The following MORN1 variants were observed in gnomAD, a reference collection of about 807,000 sequenced individuals.
MORN1 encodes MORN repeat-containing protein 1.
MORN1 carries 67 observed loss-of-function variants against 61.9 expected under a neutral mutation model. That is an observed-to-expected ratio of 1.08 (90% CI 0.89 to 1.33). The LOEUF (loss-of-function observed/expected upper bound fraction) is 1.33. Among genes scored for constraint, MORN1 ranks in the 40% most tolerant of loss-of-function variants. The pLI is 0.00. For missense variants in MORN1, 752 were observed against 691.2 expected (o/e 1.09, Z -0.99); for synonymous variants, 301 against 292.0 (o/e 1.03, Z -0.31).
intron 1 of MORN1, 72 bp downstream of exon 1, chr1:2,391,386 G>C (rs1187775286): frequency 6.4e-6 from 8 of 1,243,988 alleles, no homozygotes; most frequent in Non-Finnish European, 8.1e-6. Context: ...GGGGGTCGAG[G>C]GCGTAGAGCG....
At chr1:2,355,115 C>T (rs185414259) in intron 10 of MORN1, 87 of 1,054,974 alleles carry the variant, frequency 8.2e-5, no homozygotes, top group African/African-American at 6.6e-4. Context: ...GATGCAGGCA[C>T]GAGGCTGGTT....
intron 10 of MORN1, among the ~76,000 whole-genome samples, chr1:2,342,370 G>A (rs886260375): frequency 1.3e-5 from 2 of 152,266 alleles, no homozygotes; most frequent in Admixed American, 1.3e-4. Context: ...GCCAGGGGGA[G>A]GGCAGGCCGA....
intron 12 of MORN1, chr1:2,332,165 C>T (rs986451451): frequency 1.1e-5 from 2 of 179,038 alleles, no homozygotes; most frequent in Admixed American, 6.0e-5. Flanking sequence ...GGGGGGTGCA[C>T]CAGGTGACCC....
At position 2,358,897 on chromosome 1, in the gene MORN1, C is replaced by T. The variant is rs181321613; in HGVS notation, c.746-182G>A. ...CTCCGTGGGCTCTCTGCTCCTCTCCCATGCCCTGCAGAAGTTTCCCAGCCC... is the reference window on the plus strand; with the variant it reads ...CTCCGTGGGCTCTCTGCTCCTCTCCTATGCCCTGCAGAAGTTTCCCAGCCC... On this transcript the variant is annotated intron_variant, in intron 8 of 13. Transcript: ENST00000378531. 5.9e-3 allele frequency among the ~76,000 whole-genome samples: 900 copies of T among 152,292 alleles called. 6 individuals carry two copies. Among genetic ancestry groups the T allele is most frequent in the African/African-American group, 0.021 (867 of 41,562 alleles).
intron 10 of MORN1, among the ~76,000 whole-genome samples, chr1:2,354,026 T>G (rs570153902): frequency 6.1e-4 from 93 of 152,342 alleles, no homozygotes; most frequent in African/African-American, 2.2e-3. Flanking sequence ...GGCTCACGCC[T>G]GTGATCCCAG....
chr1:2,379,186 T>G (rs1261195291), intron 6 of MORN1: 2 of 470,952 alleles, frequency 4.2e-6, no homozygotes, highest in South Asian at 3.1e-5. Flanking sequence ...TAGCAGCCGA[T>G]GTCTCCTTGA....
chr1:2,323,098 C>T (rs1640920667), intron 13 of MORN1: 2 of 985,296 alleles, frequency 2.0e-6, no homozygotes, highest in African/African-American at 1.7e-5. Flanking sequence ...TAGCCGATTC[C>T]TGTCACTGCA....
intron 10 of MORN1, among the ~76,000 whole-genome samples, chr1:2,347,344 G>T (rs550443253): frequency 1.1e-3 from 173 of 152,302 alleles, no homozygotes; most frequent in Non-Finnish European, 1.8e-3. Context: ...GCAGGTGGCA[G>T]ATGGCCCGTG....
At chr1:2,386,750 A>T (rs1357371210) in intron 4 of MORN1, 1 of 152,614 alleles carries the variant, frequency 6.6e-6, no homozygotes, top group African/African-American at 2.4e-5. Flanking sequence ...ACATAAGGAA[A>T]ACACTGGAAA....
Position 2,385,553 on chromosome 1 carries a change from G to C in MORN1, c.449+254C>G, listed in dbSNP as rs1453347025. ...GTTCTCAGGAGGTATTTTAATCGGG[G>C]GGGGGGGGGATGTTTTATCTAAACA... On this transcript the variant is annotated intron_variant, in intron 5 of 13. Coordinates refer to ENST00000378531, the MANE Select transcript of MORN1 (RefSeq NM_024848.3). The C allele has an allele frequency of 3.4e-4, 116 of 340,554 alleles. 5 individuals carry two copies. The highest frequency in any genetic ancestry group is 2.7e-5 in the Non-Finnish European group (5 of 184,960). 21.1% of individuals were successfully genotyped at this position (340,554 alleles called of 1,614,324 possible).
At position 2,334,695 on chromosome 1, in the gene MORN1, A is replaced by G. The variant is rs1389556789; in HGVS notation, c.1250+1774T>C. Among the ~76,000 whole-genome samples the G allele has an allele frequency of 6.6e-6, 1 of 152,244 alleles. No homozygotes were observed. On this transcript the variant is annotated intron_variant, in intron 12 of 13. Transcript: ENST00000378531. This position sits in a 1 kb window ranked among gnomAD's most constrained non-coding sequence, Gnocchi z 5.4. Reference sequence around the variant, plus strand: ...CACTGAACACTCCGACTCCGCGGCCAGGTCGTCCTGGGATTGAAACAATCC... The same window carrying G: ...CACTGAACACTCCGACTCCGCGGCCGGGTCGTCCTGGGATTGAAACAATCC...
chr1:2,324,055 C>A, intron 13 of MORN1, 42 bp downstream of exon 13: 2 of 1,569,320 alleles, frequency 1.3e-6, no homozygotes, highest in Non-Finnish European at 1.7e-6. Context: ...CCTCTCCAGA[C>A]AGTGGCACAG....
chr1:2,323,712 C>G, intron 13 of MORN1: 1 of 985,366 alleles, frequency 1.0e-6, no homozygotes, highest in Middle Eastern at 5.2e-4. Flanking sequence ...AGCCCTGCAG[C>G]CGGCCTTGCT....
rs1354235070 is a variant in MORN1 at position 2,357,741 on chromosome 1, C to T, written c.870-143G>A. On this transcript the variant is annotated intron_variant, in intron 9 of 13. Coordinates refer to ENST00000378531, the MANE Select transcript of MORN1 (RefSeq NM_024848.3). This position sits in a 1 kb window ranked among gnomAD's most constrained non-coding sequence, Gnocchi z 6.3. ...CTACTCAGCCTCTCTGGGAGGTCTCCTGCTGGGATGGGGCCAGTTGAGGCC... is the reference window on the plus strand; with the variant it reads ...CTACTCAGCCTCTCTGGGAGGTCTCTTGCTGGGATGGGGCCAGTTGAGGCC... 16 of 964,900 alleles carry T rather than the reference C, an allele frequency of 1.7e-5. No individual in the cohort carries two copies. The highest frequency in any genetic ancestry group is 1.4e-4 in the Admixed American group (4 of 28,198). The allele number at this position is 964,900 out of a possible 1,614,324, so 59.8% of individuals were successfully genotyped here.
At chr1:2,345,614 G>T (rs891087565) in intron 10 of MORN1, among the ~76,000 whole-genome samples, 1 of 152,172 alleles carries the variant, frequency 6.6e-6, no homozygotes, top group Non-Finnish European at 1.5e-5. Flanking sequence ...AGACGGAGAC[G>T]AAGGCACCCT....
chr1:2,387,128 G>C (rs975604074), intron 4 of MORN1: 2 of 456,666 alleles, frequency 4.4e-6, no homozygotes, highest in African/African-American at 3.9e-5. Flanking sequence ...AGGATCAGGA[G>C]CAGTTAATAA....
chr1:2,378,296 C>A (rs1042321301), intron 6 of MORN1: 2 of 152,670 alleles, frequency 1.3e-5, no homozygotes, highest in African/African-American at 4.8e-5. Context: ...GCCAGACTCC[C>A]CACAGGCCAT....
intron 6 of MORN1, chr1:2,378,262 G>A (rs1181120653): frequency 6.5e-6 from 1 of 152,738 alleles, no homozygotes; most frequent in East Asian, 1.9e-4. Context: ...CCAGGGTGGT[G>A]GGGGGTCCAC....
At chr1:2,374,763 A>C in intron 6 of MORN1, 1 of 546,672 alleles carries the variant, frequency 1.8e-6, no homozygotes, top group South Asian at 2.5e-5. Context: ...GCTTTGCAAA[A>C]TATACTCCCT....
Sources: allele counts gnomAD v4.1 joint callset (sites outside exome capture counted in the v4.1 genomes callset), GRCh38; gene constraint gnomAD v4.1.1; non-coding constraint Gnocchi (gnomAD v3.1); transcripts MANE v1.5; gene names NCBI Gene and HGNC (gene_info 2026-07-23, HGNC 2026-07-21).